EDARADD: variants seen among roughly 807,000 people sequenced by gnomAD.
The protein encoded by EDARADD is EDAR associated via death domain.
In EDARADD, 20 loss-of-function variants were observed where a neutral mutation model predicts 25.6. That is an observed-to-expected ratio of 0.78 (90% CI 0.55 to 1.14). The LOEUF is 1.14. Among genes scored for constraint, EDARADD ranks in the 50% most tolerant of loss-of-function variants. EDARADD has a pLI of 0.00. For missense variants in EDARADD, 225 were observed against 270.1 expected, an observed-to-expected ratio of 0.83 and a Z score of 1.17; for synonymous variants, 86 against 94.4, an observed-to-expected ratio of 0.91 and a Z score of 0.52.
At chr1:236,369,081 A>G (rs1667144573) in intron 3 of EDARADD, among the ~76,000 whole-genome samples, 1 of 152,186 alleles carries the variant, frequency 6.6e-6, no homozygotes, top group South Asian at 2.1e-4. Flanking sequence ...GGTGTGAGCC[A>G]CTGTGCCCAG....
intron 5 of EDARADD, among the ~76,000 whole-genome samples, chr1:236,472,771 G>A (rs1359060058): frequency 6.6e-6 from 1 of 152,190 alleles, no homozygotes; most frequent in African/African-American, 2.4e-5. Flanking sequence ...TGTGAGAGAG[G>A]TGTCATTATC....
intron 1 of EDARADD, among the ~76,000 whole-genome samples, chr1:236,408,853 A>G (rs1015609307): frequency 3.3e-5 from 5 of 152,126 alleles, no homozygotes; most frequent in African/African-American, 1.2e-4. Flanking sequence ...TCCTGGGCTC[A>G]AGCGATTCTC....
intron 4 of EDARADD, among the ~76,000 whole-genome samples, chr1:236,432,175 T>G (rs185279215): frequency 7.1e-4 from 108 of 152,252 alleles, no homozygotes; most frequent in Non-Finnish European, 1.3e-3. Context: ...GTACGGAGGC[T>G]CACACCTGTA....
chr1:236,415,018 G>A (rs74150450), intron 3 of EDARADD, among the ~76,000 whole-genome samples: 9,217 of 152,034 alleles, frequency 0.061, 756 homozygotes, highest in African/African-American at 0.2. Flanking sequence ...ATTTCCCCCC[G>A]TGGAGGGAAA....
intron 3 of EDARADD, among the ~76,000 whole-genome samples, chr1:236,366,842 C>T (rs963916435): frequency 2.0e-4 from 30 of 151,470 alleles, no homozygotes; most frequent in African/African-American, 5.8e-4. Context: ...TTTGGGAGCC[C>T]GAGGTGGGCG....
chr1:236,472,408 T>A (rs1478623504), intron 5 of EDARADD, among the ~76,000 whole-genome samples: 1 of 152,156 alleles, frequency 6.6e-6, no homozygotes, highest in Non-Finnish European at 1.5e-5. Flanking sequence ...GACTAATTAA[T>A]CGGGATCTCC....
chr1:236,455,804 T>G (rs1217134945), intron 4 of EDARADD, among the ~76,000 whole-genome samples: 1 of 152,334 alleles, frequency 6.6e-6, no homozygotes, highest in East Asian at 1.9e-4. Context: ...TGTTCTTTTT[T>G]TTTGAGACGG....
chr1:236,405,821 CT>C (rs746556911), intron 1 of EDARADD, among the ~76,000 whole-genome samples: 1,164 of 75,652 alleles, frequency 0.015, 22 homozygotes, highest in African/African-American at 0.027. Context: ...TCCTTCCTTC[CT>C]TTCCTTCCTT....
chr1:236,393,391 C>CTTTTTGTTTTT (rs1667453615), upstream of EDARADD, among the ~76,000 whole-genome samples: 1 of 87,212 alleles, frequency 1.1e-5, no homozygotes, highest in Non-Finnish European at 1.9e-5. Context: ...TTCTTTCTTT[C>CTTTTTGTTTTT]TTTTTTTTTT....
intron 3 of EDARADD, among the ~76,000 whole-genome samples, chr1:236,366,741 C>CTCTTTTTT (rs146073425): frequency 7.6e-5 from 11 of 144,292 alleles, no homozygotes; most frequent in East Asian, 2.1e-4. Flanking sequence ...TCATCTCTCT[C>CTCTTTTTT]TTTTTTTTGT....
At chr1:236,437,681 A>G (rs1045478936) in intron 4 of EDARADD, among the ~76,000 whole-genome samples, 3 of 151,566 alleles carry the variant, frequency 2.0e-5, no homozygotes, top group Non-Finnish European at 4.4e-5. Context: ...ACTTACCATC[A>G]TCTCATAGCT....
At chr1:236,397,930 A>G (rs1667546777) in intron 1 of EDARADD, among the ~76,000 whole-genome samples, 2 of 152,036 alleles carry the variant, frequency 1.3e-5, no homozygotes, top group Admixed American at 1.3e-4. Context: ...TATTTCTGTA[A>G]TGAAACCATA....
chr1:236,411,512 C>CCTTCTTCTTTCTTCTTCTTCTTCCTCTT (rs1558114963), intron 2 of EDARADD, among the ~76,000 whole-genome samples: 12 of 150,586 alleles, frequency 8.0e-5, no homozygotes. Flanking sequence ...TTCTCCCTCT[C>CCTTCTTCTTTCTTCTTCTTCTTCCTCTT]CTTCTTCTTT....
intron 2 of EDARADD, among the ~76,000 whole-genome samples, chr1:236,349,220 G>A (rs914496595): frequency 3.3e-5 from 5 of 151,802 alleles, no homozygotes; most frequent in African/African-American, 1.2e-4. Flanking sequence ...CACCCAGGCT[G>A]GACTGTAGTG....
At chr1:236,364,242 G>T (rs1667086025) in intron 3 of EDARADD, among the ~76,000 whole-genome samples, 1 of 152,176 alleles carries the variant, frequency 6.6e-6, no homozygotes, top group African/African-American at 2.4e-5. Context: ...ATGCGAGAAT[G>T]AACTAATATA....
chr1:236,363,033 A>ATATATATAAAT (rs1558100919), intron 3 of EDARADD, among the ~76,000 whole-genome samples: 1 of 117,660 alleles, frequency 8.5e-6, no homozygotes, highest in Non-Finnish European at 1.7e-5. Flanking sequence ...ATATATATAT[A>ATATATATAAAT]AAATTTGTGT....
intron 5 of EDARADD, among the ~76,000 whole-genome samples, chr1:236,472,324 G>A (rs1240462754): frequency 6.6e-6 from 1 of 152,158 alleles, no homozygotes; most frequent in African/African-American, 2.4e-5. Flanking sequence ...GGCAGGCGGA[G>A]GTTTTCAGTC....
At chr1:236,357,770 C>T (rs1666997497) in intron 3 of EDARADD, among the ~76,000 whole-genome samples, 1 of 151,988 alleles carries the variant, frequency 6.6e-6, no homozygotes, top group Admixed American at 6.6e-5. Context: ...ATACCTTCCA[C>T]CAGGTCCCAC....
chr1:236,390,542 G>A (rs1386864362), upstream of EDARADD, among the ~76,000 whole-genome samples: 1 of 152,058 alleles, frequency 6.6e-6, no homozygotes, highest in Non-Finnish European at 1.5e-5. Flanking sequence ...GACAGAGCGA[G>A]ACTCCGTCTC....
Sources: gnomAD v4.1 joint callset for allele counts (sites outside exome capture counted in the v4.1 genomes callset) on GRCh38, gnomAD v4.1.1 for gene constraint, MANE v1.5 for transcripts, NCBI Gene and HGNC (gene_info 2026-07-23, HGNC 2026-07-21) for gene names.